CNIH3: variants seen among roughly 807,000 people sequenced by gnomAD.
CNIH3 encodes the protein protein cornichon homolog 3.
Under a neutral mutation model 24.1 loss-of-function variants are expected in CNIH3, and 14 were observed. The observed-to-expected ratio is 0.58, with a 90% CI of 0.38 to 0.91. CNIH3 has a LOEUF of 0.91. Among genes scored for constraint, CNIH3 ranks in the 40% least tolerant of loss-of-function variants. The pLI, the probability that CNIH3 is intolerant of heterozygous loss-of-function variation, is 0.00. For synonymous variants in CNIH3, 68 were observed against 73.8 expected, an observed-to-expected ratio of 0.92 and a Z score of 0.40; for missense variants, 178 against 196.8, an observed-to-expected ratio of 0.90 and a Z score of 0.57.
intron 3 of CNIH3, among the ~76,000 whole-genome samples, chr1:224,597,009 A>G (rs1487083855): frequency 6.6e-6 from 1 of 151,990 alleles, no homozygotes; most frequent in African/African-American, 2.4e-5. Flanking sequence ...AAAATTAGCC[A>G]GGCGTGGTGG....
intron 2 of CNIH3, among the ~76,000 whole-genome samples, chr1:224,543,362 T>C (rs909003479): frequency 6.6e-6 from 1 of 152,148 alleles, no homozygotes; most frequent in Admixed American, 6.5e-5. Flanking sequence ...AAACTGTAAT[T>C]ACCAGTACTC....
chr1:224,492,372 T>C (rs1231084065), intron 1 of CNIH3, among the ~76,000 whole-genome samples: 1 of 152,248 alleles, frequency 6.6e-6, no homozygotes, highest in Non-Finnish European at 1.5e-5. Flanking sequence ...TCATATCTAA[T>C]TAAATGAGAT....
chr1:224,677,411 A>G (rs1686191186), intron 1 of CNIH3, among the ~76,000 whole-genome samples: 1 of 152,202 alleles, frequency 6.6e-6, no homozygotes, highest in African/African-American at 2.4e-5. Flanking sequence ...GCCTGTGTCT[A>G]AAGGATGCTG....
intron 3 of CNIH3, among the ~76,000 whole-genome samples, chr1:224,609,681 A>T (rs1053990273): frequency 2.6e-4 from 39 of 152,230 alleles, no homozygotes; most frequent in Admixed American, 5.9e-4. Context: ...TAAATGAAAC[A>T]TATGGTCAGA....
chr1:224,582,598 T>G (rs1681324057), intron 4 of CNIH3, among the ~76,000 whole-genome samples: 1 of 152,168 alleles, frequency 6.6e-6, no homozygotes, highest in African/African-American at 2.4e-5. Flanking sequence ...TCACCCAAAT[T>G]CTTCTTGGAG....
intron 1 of CNIH3, among the ~76,000 whole-genome samples, chr1:224,506,265 GCACA>G (rs1287404274): frequency 9.5e-6 from 1 of 105,338 alleles, no homozygotes; most frequent in African/African-American, 3.4e-5. Context: ...TCATATGCAC[GCACA>G]CGCGCGCGCG....
chr1:224,542,226 G>A (rs1050116791), downstream of CNIH3, among the ~76,000 whole-genome samples: 7 of 152,014 alleles, frequency 4.6e-5, no homozygotes, highest in African/African-American at 1.7e-4. Context: ...TTCCTCCTTG[G>A]CTACTTAAAT....
intron 3 of CNIH3, among the ~76,000 whole-genome samples, chr1:224,593,920 C>T (rs968093341): frequency 2.5e-4 from 38 of 152,134 alleles, no homozygotes; most frequent in Middle Eastern, 6.8e-3. Context: ...TTGTGCCTGC[C>T]GAGTAAGAAG....
intron 3 of CNIH3, among the ~76,000 whole-genome samples, chr1:224,601,436 C>A (rs1455827261): frequency 6.6e-6 from 1 of 152,168 alleles, no homozygotes; most frequent in Non-Finnish European, 1.5e-5. Context: ...TCACCCAGCT[C>A]CTGAGATCTT....
At chr1:224,445,676 G>A (rs552641032) in intron 1 of CNIH3, among the ~76,000 whole-genome samples, 1 of 150,460 alleles carries the variant, frequency 6.6e-6, no homozygotes, top group South Asian at 2.1e-4. Flanking sequence ...TTGGATGTAT[G>A]TACTGCAAAT....
chr1:224,461,004 T>C (rs1269191784), intron 1 of CNIH3, among the ~76,000 whole-genome samples: 1 of 151,358 alleles, frequency 6.6e-6, no homozygotes, highest in Non-Finnish European at 1.5e-5. Context: ...AATTTAATTT[T>C]TTCTTTTTTT....
intron 1 of CNIH3, among the ~76,000 whole-genome samples, chr1:224,465,471 T>G (rs565533545): frequency 5.9e-5 from 9 of 152,346 alleles, no homozygotes; most frequent in African/African-American, 2.2e-4. Flanking sequence ...ACTTCACACA[T>G]AACATAAGTT....
At chr1:224,449,277 C>G (rs911379025) in intron 1 of CNIH3, among the ~76,000 whole-genome samples, 2 of 151,902 alleles carry the variant, frequency 1.3e-5, no homozygotes, top group Non-Finnish European at 1.5e-5. Context: ...AACTGGGATT[C>G]TCTTTAACCC....
intron 4 of CNIH3, among the ~76,000 whole-genome samples, chr1:224,571,499 C>T (rs925544171): frequency 5.3e-5 from 8 of 151,714 alleles, no homozygotes; most frequent in African/African-American, 1.2e-4. Flanking sequence ...CTGAGGTGGA[C>T]GGATCACTTG....
At chr1:224,738,156 G>A in intron 5 of CNIH3, among the ~76,000 whole-genome samples, 1 of 152,248 alleles carries the variant, frequency 6.6e-6, no homozygotes, top group Middle Eastern at 3.2e-3. Flanking sequence ...AATCCTCGTG[G>A]TTTGTTGTTA....
intron 1 of CNIH3, among the ~76,000 whole-genome samples, chr1:224,648,241 G>A (rs528622198): frequency 6.6e-6 from 1 of 152,110 alleles, no homozygotes; most frequent in South Asian, 2.1e-4. Context: ...GTGAAACCCT[G>A]TCTCTATTAA....
chr1:224,715,146 C>T (rs539339785), intron 3 of CNIH3, among the ~76,000 whole-genome samples: 21 of 152,310 alleles, frequency 1.4e-4, no homozygotes, highest in Non-Finnish European at 1.8e-4. Context: ...AGTGACTCAG[C>T]GTCACCAAAT....
chr1:224,623,036 C>A (rs914114241), intron 1 of CNIH3, among the ~76,000 whole-genome samples: 3 of 152,166 alleles, frequency 2.0e-5, no homozygotes, highest in African/African-American at 7.2e-5. Context: ...GGTCACTGTC[C>A]TGTCCTTGCT....
chr1:224,607,205 A>G (rs1183626298), intron 3 of CNIH3, among the ~76,000 whole-genome samples: 1 of 152,188 alleles, frequency 6.6e-6, no homozygotes, highest in Non-Finnish European at 1.5e-5. Flanking sequence ...TTCCAATGGT[A>G]AGTGCTGTAA....
Sources: gnomAD v4.1 joint callset for allele counts (sites outside exome capture counted in the v4.1 genomes callset) on GRCh38, gnomAD v4.1.1 for gene constraint, MANE v1.5 for transcripts, NCBI Gene and HGNC (gene_info 2026-07-23, HGNC 2026-07-21) for gene names.